PLCL1: variants seen among roughly 807,000 people sequenced by gnomAD.
PLCL1 encodes phospholipase C like 1 (inactive).
In PLCL1, 41 loss-of-function variants were observed where a neutral mutation model predicts 84.4. The observed-to-expected ratio is 0.49, with a 90% confidence interval of 0.38 to 0.63. PLCL1 has a LOEUF of 0.63. Among genes scored for constraint, PLCL1 ranks in the 30% least tolerant of loss-of-function variants. PLCL1 has a pLI of 0.00. For missense variants in PLCL1, 1,206 were observed against 1,367.8 expected (o/e 0.88, Z 1.87); for synonymous variants, 490 against 488.3 (o/e 1.00, Z -0.05).
At chr2:197,968,437 C>T (rs1013271659) in intron 1 of PLCL1, among the ~76,000 whole-genome samples, 3 of 152,016 alleles carry the variant, frequency 2.0e-5, no homozygotes, top group Non-Finnish European at 4.4e-5. Context: ...TCTAGGTTTC[C>T]TTATAAAATG....
At chr2:198,012,023 T>C (rs1690879172) in intron 1 of PLCL1, among the ~76,000 whole-genome samples, 1 of 151,634 alleles carries the variant, frequency 6.6e-6, no homozygotes, top group Admixed American at 6.6e-5. Flanking sequence ...TGATTACCAA[T>C]CAGTAATTCT....
At chr2:198,012,208 GA>G (rs1690883201) in intron 1 of PLCL1, among the ~76,000 whole-genome samples, 1 of 152,102 alleles carries the variant, frequency 6.6e-6, no homozygotes. Context: ...GAAGAACTTT[GA>G]AAGCAGTCTA....
intron 1 of PLCL1, among the ~76,000 whole-genome samples, chr2:197,968,955 G>A (rs949580477): frequency 3.3e-5 from 5 of 152,120 alleles, no homozygotes; most frequent in Admixed American, 2.0e-4. Context: ...GTTAGGAACC[G>A]GGCCACACAG....
intron 1 of PLCL1, among the ~76,000 whole-genome samples, chr2:197,933,388 C>T (rs1229760401): frequency 6.6e-6 from 1 of 151,670 alleles, no homozygotes. Context: ...CTCAGCCTCT[C>T]AAGTAGCTGG....
chr2:197,813,876 G>A (rs1210617752), intron 1 of PLCL1, among the ~76,000 whole-genome samples: 1 of 152,126 alleles, frequency 6.6e-6, no homozygotes, highest in East Asian at 1.9e-4. Context: ...CTCTAAAACA[G>A]TATTGATTTG....
At chr2:197,868,751 A>G (rs1349550845) in intron 1 of PLCL1, among the ~76,000 whole-genome samples, 1 of 151,462 alleles carries the variant, frequency 6.6e-6, no homozygotes, top group African/African-American at 2.4e-5. Context: ...CCTAGATTCA[A>G]GTGATCCACC....
chr2:197,821,715 T>C (rs527757804), intron 1 of PLCL1, among the ~76,000 whole-genome samples: 2 of 152,212 alleles, frequency 1.3e-5, no homozygotes, highest in Non-Finnish European at 2.9e-5. Flanking sequence ...GGCCCAGTGG[T>C]CATATGGCCA....
At chr2:197,856,784 C>T (rs1383857497) in intron 1 of PLCL1, among the ~76,000 whole-genome samples, 1 of 152,036 alleles carries the variant, frequency 6.6e-6, no homozygotes, top group Non-Finnish European at 1.5e-5. Flanking sequence ...TGAAATGAGC[C>T]ATTATTTTGC....
At chr2:198,060,278 T>C (rs1225657156) in intron 1 of PLCL1, among the ~76,000 whole-genome samples, 12 of 152,236 alleles carry the variant, frequency 7.9e-5, no homozygotes. Context: ...TAATGGGCAG[T>C]GGAACCCAAT....
At position 197,950,557 on chromosome 2, in the gene PLCL1, C is replaced by T. The variant is rs189900105; in HGVS notation, c.241-133201C>T. On this transcript the variant is annotated intron_variant, in intron 1 of 5. Transcript: ENST00000428675. ...AAAGGTCACCGAAGAGAGGAAGAAGCAATAGAAGATTCACTAGTAGCCGTA... is the reference window on the plus strand; with the variant it reads ...AAAGGTCACCGAAGAGAGGAAGAAGTAATAGAAGATTCACTAGTAGCCGTA... Among the ~76,000 whole-genome samples, 649 of 152,154 alleles carry T rather than the reference C, an allele frequency of 4.3e-3. 16 individuals carry two copies. The highest frequency in any genetic ancestry group is 1.0e-3 in the Non-Finnish European group (71 of 67,996).
At chr2:197,972,057 A>T (rs551359229) in intron 1 of PLCL1, among the ~76,000 whole-genome samples, 1 of 152,156 alleles carries the variant, frequency 6.6e-6, no homozygotes, top group Non-Finnish European at 1.5e-5. Context: ...GCTCCAATTG[A>T]TTTTCTAAAT....
intron 1 of PLCL1, among the ~76,000 whole-genome samples, chr2:197,975,147 CAAAAAAAAAAAAAAA>C (rs71015804): frequency 2.5e-4 from 5 of 19,904 alleles, no homozygotes; most frequent in Non-Finnish European, 4.0e-4. Context: ...GACTCCATCT[CAAAAAAAAAAAAAAA>C]AAAAAAAAAA....
intron 1 of PLCL1, among the ~76,000 whole-genome samples, chr2:197,963,925 C>T (rs374622362): frequency 6.6e-6 from 1 of 152,032 alleles, no homozygotes; most frequent in Non-Finnish European, 1.5e-5. Context: ...TTTCTGGGTT[C>T]TCTATTCTGT....
At chr2:197,873,620 A>G (rs1372085720) in intron 1 of PLCL1, among the ~76,000 whole-genome samples, 2 of 152,150 alleles carry the variant, frequency 1.3e-5, no homozygotes, top group African/African-American at 4.8e-5. Flanking sequence ...ATGAGTCACA[A>G]CGCATGCATC....
chr2:198,042,814 G>C (rs1218382685), intron 1 of PLCL1, among the ~76,000 whole-genome samples: 1 of 152,164 alleles, frequency 6.6e-6, no homozygotes, highest in East Asian at 1.9e-4. Context: ...AGCAATAAAT[G>C]ATGCCACCAG....
intron 5 of PLCL1, among the ~76,000 whole-genome samples, chr2:198,143,988 A>G (rs1694456114): frequency 6.6e-6 from 1 of 152,034 alleles, no homozygotes; most frequent in Non-Finnish European, 1.5e-5. Flanking sequence ...ATGCACTGGT[A>G]CAAACTGTTT....
chr2:197,830,292 G>T (rs1691029900), intron 1 of PLCL1, among the ~76,000 whole-genome samples: 1 of 151,982 alleles, frequency 6.6e-6, no homozygotes, highest in African/African-American at 2.4e-5. Flanking sequence ...TAGAGGGATT[G>T]CTAACTAGAA....
chr2:198,145,243 C>T (rs748638130), intron 5 of PLCL1, among the ~76,000 whole-genome samples: 1 of 152,024 alleles, frequency 6.6e-6, no homozygotes, highest in African/African-American at 2.4e-5. Flanking sequence ...CAGACTCATT[C>T]GTGATGTCTA....
At position 198,050,506 on chromosome 2, in the gene PLCL1, A is replaced by G. The variant is rs1396604482; in HGVS notation, c.241-33252A>G. 2.0e-5 allele frequency among the ~76,000 whole-genome samples: 3 copies of G among 149,024 alleles called. No homozygotes were observed. In the East Asian group the frequency reaches 5.9e-4, roughly 29 times the overall value. On this transcript the variant is annotated intron_variant, in intron 1 of 5. Transcript: ENST00000428675. ...AATAAAATGGAGATGTAGTAAAGATATCATTTTGGGAACCTTGAGATTGAT... is the reference window on the plus strand; with the variant it reads ...AATAAAATGGAGATGTAGTAAAGATGTCATTTTGGGAACCTTGAGATTGAT...
Sources: allele counts gnomAD v4.1 joint callset (sites outside exome capture counted in the v4.1 genomes callset), GRCh38; gene constraint gnomAD v4.1.1; transcripts MANE v1.5; gene names NCBI Gene and HGNC (gene_info 2026-07-23, HGNC 2026-07-21).